PRG4: variants seen among roughly 807,000 people sequenced by gnomAD.
PRG4 encodes proteoglycan 4.
A neutral mutation model predicts 91.2 loss-of-function variants in PRG4; 61 were observed. That is an observed-to-expected ratio of 0.67 (90% confidence interval 0.54 to 0.83). PRG4 has a LOEUF of 0.83. PRG4 is among the 40% of genes least tolerant of loss of function. The probability of loss-of-function intolerance (pLI) is 0.00; values close to 1 mark genes in which losing one functional copy is unlikely to be tolerated. For synonymous variants in PRG4, 576 were observed against 614.2 expected (o/e 0.94, Z 0.92); for missense variants, 1,564 against 1,714.2 (o/e 0.91, Z 1.55).
rs763631861 is a variant in PRG4 at position 186,311,600 on chromosome 1, T to C, written c.3793+4T>C. 1 of 1,613,058 alleles carries C rather than the reference T, an allele frequency of 6.2e-7. No homozygotes were observed. Among genetic ancestry groups the C allele is most frequent in the Admixed American group, 1.7e-5 (1 of 60,018 alleles). On this transcript the variant is annotated splice_donor_region_variant and intron_variant, in intron 10 of 12. Coordinates refer to ENST00000445192, the MANE Select transcript of PRG4 (RefSeq NM_005807.6). The stretch of plus-strand genomic sequence containing the variant: ...TCTGTGTATTTTTTCAAGAGAGGTA[T>C]GTGTTACATAATTGACAAGATTACA...
intron 2 of PRG4, among the ~76,000 whole-genome samples, chr1:186,297,952 C>G (rs188024074): frequency 6.6e-6 from 1 of 152,240 alleles, no homozygotes. Flanking sequence ...CCAGACCCTT[C>G]GGCTTTCTCG....
intron 11 of PRG4, 150 bp downstream of exon 11, chr1:186,312,522 G>A: frequency 1.1e-6 from 1 of 869,854 alleles, no homozygotes; most frequent in East Asian, 2.6e-5. Flanking sequence ...TTGCCTTAGT[G>A]AATAACCAAA....
Position 186,307,839 on chromosome 1 carries a change from C to T in PRG4, c.2120C>T (p.Thr707Ile), listed in dbSNP as rs764739101. ...ACTACCCCTAAGGAGACTGCTCCAA[C>T]TACCCCTAAAGGGACTGCTCCAACT... ...APTTPKETAPTTPKGTAPTTL... is the reference protein window; with the variant it reads ...APTTPKETAPITPKGTAPTTL... Residue 707 changes from threonine (T) to isoleucine (I), a missense_variant, in exon 7 of 13, where the codon ACT becomes ATT. This residue lies in a region of PRG4 where 1,079 missense variants were observed against 1,162.2 expected (regional missense o/e 0.93). Transcript: ENST00000445192. The T allele has an allele frequency of 9.9e-6, 16 of 1,611,316 alleles. No homozygotes were observed. In the South Asian group the frequency reaches 1.6e-4, roughly 17 times the overall value.
rs1656878566 is a variant in PRG4 at position 186,308,154 on chromosome 1, C to T, written c.2435C>T (p.Ser812Phe). Residue 812 changes from serine to phenylalanine, a missense_variant, in exon 7 of 13, where the codon TCC becomes TTC. By Grantham distance (155) the Ser-to-Phe change is radical. Coordinates refer to ENST00000445192, the MANE Select transcript of PRG4 (RefSeq NM_005807.6). ...LAPTTTKGPT[S>F]TTSDKPAPTT... is the part of the protein sequence containing the mutation. ...CCCACCACCACCAAGGGGCCCACAT[C>T]CACCACCTCTGACAAGCCTGCTCCA... The T allele has an allele frequency of 2.5e-6, 4 of 1,610,000 alleles. No homozygotes were observed. In the East Asian group the frequency reaches 9.0e-5, roughly 36 times the overall value.
intron 3 of PRG4, 55 bp downstream of exon 3, chr1:186,300,268 TC>T (rs1037160671): frequency 1.2e-6 from 2 of 1,610,800 alleles, no homozygotes; most frequent in Non-Finnish European, 8.5e-7. Flanking sequence ...AGTCTGTGAG[TC>T]CCCCCTTGCA....
intron 4 of PRG4, among the ~76,000 whole-genome samples, chr1:186,303,813 A>G (rs1053438890): frequency 6.6e-6 from 1 of 152,238 alleles, no homozygotes; most frequent in Non-Finnish European, 1.5e-5. Flanking sequence ...GAAGTTCAAG[A>G]TAATTATTTG....
rs191117991 is a variant in PRG4, at chr1:186,301,034, A to G, written c.200-558A>G. On this transcript the variant is annotated intron_variant, in intron 3 of 12. Coordinates refer to ENST00000445192, the MANE Select transcript of PRG4 (RefSeq NM_005807.6). Reference sequence around the variant, plus strand: ...TTTTAAATGAGTAGTCCTCCCTAACATAGTCCACACTGTAAGATTAGGCTG... The same window carrying G: ...TTTTAAATGAGTAGTCCTCCCTAACGTAGTCCACACTGTAAGATTAGGCTG... Among the ~76,000 whole-genome samples, 52 of 152,306 alleles carry G rather than the reference A, an allele frequency of 3.4e-4. 1 individual carries two copies. The highest frequency in any genetic ancestry group is 3.1e-3 in the Admixed American group (48 of 15,298).
Position 186,307,167 on chromosome 1 carries a change from C to T in PRG4, c.1448C>T (p.Ala483Val), listed in dbSNP as rs763714389. The T allele has an allele frequency of 3.8e-6, 6 of 1,565,836 alleles. No homozygotes were observed. In the South Asian group the frequency reaches 6.8e-5, roughly 18 times the overall value. The change falls in exon 7 of 13, where the codon GCA becomes GTA. Residue 483 changes from alanine to valine, a missense_variant. By Grantham distance (64) the Ala-to-Val change is moderately conservative (BLOSUM62 0). Coordinates refer to ENST00000445192, the MANE Select transcript of PRG4 (RefSeq NM_005807.6). ...GCACCCACCACTCCCAAAGAGCCTG[C>T]ACCCACTGCCCCCAAGAAGCCTGCC... Reference protein sequence around the residue: ...EPAPTTPKEPAPTAPKKPAPT... With the variant: ...EPAPTTPKEPVPTAPKKPAPT...
rs371944260 is a variant in PRG4 at position 186,306,426 on chromosome 1, C to A, written c.707C>A (p.Pro236His). ...AATGGTGACTTCAAGGTCACAACTC[C>A]TGACACGTCTACCACCCAACACAAT... is the stretch of plus-strand genomic sequence containing the variant. ...LDNGDFKVTTPDTSTTQHNKV... is the reference protein window; with the variant it reads ...LDNGDFKVTTHDTSTTQHNKV... Residue 236 changes from proline (P) to histidine (H), a missense_variant, in exon 7 of 13, where the codon CCT becomes CAT. By Grantham distance (77) the Pro-to-His change is moderately conservative. Coordinates refer to ENST00000445192, the MANE Select transcript of PRG4 (RefSeq NM_005807.6). 5 of 1,613,604 alleles carry A rather than the reference C, an allele frequency of 3.1e-6. No homozygotes were observed. In the East Asian group the frequency reaches 6.7e-5, roughly 22 times the overall value.
Position 186,312,819 on chromosome 1 carries a change from A to C in PRG4, c.4042A>C (p.Asn1348His). 1 of 1,612,024 alleles carries C rather than the reference A, an allele frequency of 6.2e-7. No homozygotes were observed. Among genetic ancestry groups the C allele is most frequent in the East Asian group, 2.2e-5 (1 of 44,826 alleles). ...KVSILWRGLP[N>H]VVTSAISLPN... is the part of the protein sequence containing the mutation. ...GAGTATACTGTGGAGAGGACTTCCA[A>C]ATGTGGTTACCTCAGCTATATCACT... is the stretch of plus-strand genomic sequence containing the variant. Residue 1348 changes from asparagine to histidine, a missense_variant, in exon 12 of 13, where the codon AAT (asparagine) becomes CAT (histidine). Transcript: ENST00000445192.
rs777159659 is a variant in PRG4, at chr1:186,296,828, CT to C, written c.-30-14del. The C allele has an allele frequency of 3.5e-6, 5 of 1,440,122 alleles. No individual in the cohort carries two copies. The highest frequency in any genetic ancestry group is 1.1e-5 in the South Asian group (1 of 87,212). The allele number at this position is 1,440,122 out of a possible 1,614,324, so 89.2% of individuals were successfully genotyped here. A position where few individuals can be genotyped will look rare whatever the true frequency, so the allele number is the denominator to read the frequency against. ...GAGATGAAAGAGCTGTTTTCTGATA[CT>C]TTTATTTTATTTTCAGCAAGGGTAC... is the stretch of plus-strand genomic sequence containing the variant. On this transcript the variant is annotated splice_polypyrimidine_tract_variant and intron_variant, in intron 1 of 12. Transcript: ENST00000445192.
chr1:186,310,946 A>G, intron 8 of PRG4, 88 bp from the exon 9 acceptor site: 1 of 1,485,408 alleles, frequency 6.7e-7, no homozygotes, highest in Non-Finnish European at 9.4e-7. Context: ...TACAATGCAT[A>G]AGAAAACTAC....
rs577302324 is a variant in PRG4 at position 186,307,436 on chromosome 1, C to A, written c.1717C>A (p.Pro573Thr). The change falls in exon 7 of 13, where the codon CCC becomes ACC. Residue 573 changes from proline (P) to threonine (T), a missense_variant. Physicochemically the swap from Pro to Thr is conservative, Grantham distance 38 (BLOSUM62 -1). Coordinates refer to ENST00000445192, the MANE Select transcript of PRG4 (RefSeq NM_005807.6). The stretch of plus-strand genomic sequence containing the variant: ...TCCCAAGGAGCCTGCACCCACCACC[C>A]CCAAGAAGCCTGCCCCAACTACCCC... Reference protein sequence around the residue: ...TTPKEPAPTTPKKPAPTTPKE... With the variant: ...TTPKEPAPTTTKKPAPTTPKE... The A allele has an allele frequency of 3.8e-6, 6 of 1,578,964 alleles. No individual in the cohort carries two copies. Among genetic ancestry groups the A allele is most frequent in the Non-Finnish European group, 5.2e-6 (6 of 1,163,824 alleles).
chr1:186,301,890 A>G (rs1571554218), intron 4 of PRG4, among the ~76,000 whole-genome samples, 179 bp downstream of exon 4: 3 of 152,324 alleles, frequency 2.0e-5, no homozygotes, highest in Admixed American at 6.5e-5. Context: ...GCGCCTTCCA[A>G]CAGCAGAACC....
intron 7 of PRG4, 81 bp downstream of exon 7, chr1:186,309,221 T>TG: frequency 9.2e-6 from 13 of 1,409,070 alleles, no homozygotes; most frequent in Non-Finnish European, 1.3e-5. Flanking sequence ...CTTAGTTTAG[T>TG]ATCACTCAAC....
intron 4 of PRG4, 78 bp from the exon 5 acceptor site, chr1:186,304,030 T>A (rs1656385592): frequency 6.7e-6 from 10 of 1,484,370 alleles, no homozygotes; most frequent in Non-Finnish European, 8.5e-6. Context: ...TGAAGCTAGA[T>A]GCATCTGTGC....
intron 3 of PRG4, 109 bp downstream of exon 3, chr1:186,300,322 C>T (rs1656124838): frequency 7.0e-7 from 1 of 1,419,006 alleles, no homozygotes; most frequent in South Asian, 1.2e-5. Context: ...CTTGCACCCA[C>T]TTGCAGTGCT....
chr1:186,303,593 A>T (rs890568116), intron 4 of PRG4, among the ~76,000 whole-genome samples: 1 of 152,196 alleles, frequency 6.6e-6, no homozygotes, highest in East Asian at 1.9e-4. Flanking sequence ...CATTTTGAGG[A>T]AAAGCACAAT....
At position 186,308,470 on chromosome 1, in the gene PRG4, C is replaced by CA; in HGVS notation, c.2753dup (p.Thr919AspfsTer11). 6.2e-7 allele frequency: 1 copy of CA among 1,613,862 alleles called. No homozygotes were observed. The highest frequency in any genetic ancestry group is 8.5e-7 in the Non-Finnish European group (1 of 1,180,024). On this transcript the variant is annotated frameshift_variant, in exon 7 of 13. Transcript: ENST00000445192. LOFTEE classifies it high-confidence loss of function. Reference sequence around the variant, plus strand: ...CTGAAATGACTACAACAGCTAAAGACAAGACAACAGAAAGAGACTTACGTA... The same window carrying CA: ...CTGAAATGACTACAACAGCTAAAGACAAAGACAACAGAAAGAGACTTACGTA...
Sources: allele counts gnomAD v4.1 joint callset (sites outside exome capture counted in the v4.1 genomes callset), GRCh38; gene constraint gnomAD v4.1.1; regional missense constraint gnomAD v4.1.1; transcripts MANE v1.5; gene names NCBI Gene and HGNC (gene_info 2026-07-23, HGNC 2026-07-21).